Variants in USP20 observed in about 807,000 individuals in gnomAD.
USP20 encodes the protein ubiquitin specific peptidase 20.
A neutral mutation model predicts 124.2 loss-of-function variants in USP20; 80 were observed. That is an observed-to-expected ratio of 0.64 (90% CI 0.54 to 0.78). The LOEUF (loss-of-function observed/expected upper bound fraction) is 0.78. Ranked by LOEUF, USP20 falls within the 30% of genes least tolerant of loss-of-function variation. The pLI, the probability that USP20 is intolerant of heterozygous loss-of-function variation, is 0.00. For synonymous variants in USP20, 481 were observed against 512.3 expected, an observed-to-expected ratio of 0.94 and a Z score of 0.83; for missense variants, 1,043 against 1,244.4, an observed-to-expected ratio of 0.84 and a Z score of 2.44.
Position 129,874,941 on chromosome 9 carries a change from C to T in USP20, c.2034C>T (p.Tyr678=), listed in dbSNP as rs369696382. The T allele has an allele frequency of 5.8e-5, 94 of 1,613,772 alleles. No individual in the cohort carries two copies. The highest frequency in any genetic ancestry group is 8.0e-5 in the African/African-American group (6 of 74,934). Residue 678 remains tyrosine, a synonymous_variant, in exon 19 of 26, where the codon TAC becomes TAT. Transcript: ENST00000372429. ...HETVVQNAEG[Y]VLFYRKSSEE... ...CGGTGGTGCAGAACGCCGAGGGCTA[C>T]GTACTCTTCTACAGGTGGGCGCTGG... is the stretch of plus-strand genomic sequence containing the variant.
chr9:129,867,872 G>C, intron 10 of USP20, 133 bp from the exon 11 acceptor site: 1 of 1,100,918 alleles, frequency 9.1e-7, no homozygotes, highest in Non-Finnish European at 1.3e-6. Context: ...CTGTGGGGGT[G>C]AGCAACTCTT....
rs376627183 is a variant in USP20 at position 129,875,290 on chromosome 9, G to T, written c.2049-20G>T. On this transcript the variant is annotated intron_variant, in intron 19 of 25. Transcript: ENST00000372429. ...TGGCAGCCGTCAGGCACAGCTTCTC[G>T]CCCCCTCCTCACCCCACAGGAAGAG... is the stretch of plus-strand genomic sequence containing the variant. The T allele has an allele frequency of 5.0e-6, 8 of 1,584,874 alleles. No homozygotes were observed. Among genetic ancestry groups the T allele is most frequent in the Admixed American group, 3.5e-5 (2 of 57,960 alleles).
At chr9:129,878,588 G>A in intron 23 of USP20, 148 bp downstream of exon 23, 1 of 701,734 alleles carries the variant, frequency 1.4e-6, no homozygotes, top group Non-Finnish European at 2.4e-6. Flanking sequence ...AGAGAGCATG[G>A]GGCTTTGCCA....
rs143361787 is a variant in USP20 at position 129,873,687 on chromosome 9, C to T, written c.1695-12C>T. 1,501 of 1,613,590 alleles carry T rather than the reference C, an allele frequency of 9.3e-4. No individual in the cohort carries two copies. Among genetic ancestry groups the T allele is most frequent in the Non-Finnish European group, 1.2e-3 (1,421 of 1,180,024 alleles). ...TGCCGGACACTGATGCTGGCTCGTG[C>T]TTCCTCCCCAGGCTGCGGAACGGAG... is the stretch of plus-strand genomic sequence containing the variant. On this transcript the variant is annotated splice_polypyrimidine_tract_variant and intron_variant, in intron 16 of 25. Coordinates refer to ENST00000372429, the MANE Select transcript of USP20 (RefSeq NM_001110303.4).
intron 3 of USP20, among the ~76,000 whole-genome samples, chr9:129,853,389 T>C (rs577799575): frequency 6.6e-6 from 1 of 152,370 alleles, no homozygotes; most frequent in South Asian, 2.1e-4. Flanking sequence ...TATTTCATCA[T>C]GTGGCCACAG....
At chr9:129,860,450 A>AT (rs33987015) in intron 6 of USP20, among the ~76,000 whole-genome samples, 2 of 151,870 alleles carry the variant, frequency 1.3e-5, no homozygotes, top group African/African-American at 4.8e-5. Flanking sequence ...TAAATAAAAT[A>AT]TTTTTTTTAT....
intron 25 of USP20, 76 bp downstream of exon 25, chr9:129,880,365 T>C (rs968227402): frequency 1.4e-6 from 2 of 1,455,714 alleles, no homozygotes; most frequent in Non-Finnish European, 9.1e-7. Flanking sequence ...ACATGTCCTT[T>C]TGAACATCCA....
At chr9:129,846,181 G>A (rs572967536) in intron 1 of USP20, among the ~76,000 whole-genome samples, 5 of 146,794 alleles carry the variant, frequency 3.4e-5, no homozygotes, top group Non-Finnish European at 5.9e-5. Context: ...CTCCCGCCTC[G>A]GCCTCCCAAA....
In USP20 at chr9:129,859,215, G is replaced by T. The variant is rs962360911; in HGVS notation, c.330+617G>T. 1.4e-4 allele frequency among the ~76,000 whole-genome samples: 8 copies of T among 58,922 alleles called. 1 individual carries two copies. The South Asian group carries it at 2.4e-3, about 18-fold the overall frequency. 38.7% of individuals were successfully genotyped at this position (58,922 alleles called of 152,430 possible). ...GGCAGAGCTGCCTGCTAGAGGAGAA[G>T]CCAGGACATGTGTGCAGCATCTGCA... On this transcript the variant is annotated intron_variant, in intron 6 of 25. Coordinates refer to ENST00000372429, the MANE Select transcript of USP20 (RefSeq NM_001110303.4).
rs187572353 is a variant in USP20, at chr9:129,858,399, G to A, written c.199-68G>A. On this transcript the variant is annotated intron_variant, in intron 5 of 25. Transcript: ENST00000372429. Reference sequence around the variant, plus strand: ...TACTGAGAGGCTGGGGAGCGGAGCAGCCATTACAGGTTGGGGCACTTGTTA... The same window carrying A: ...TACTGAGAGGCTGGGGAGCGGAGCAACCATTACAGGTTGGGGCACTTGTTA... The A allele has an allele frequency of 1.1e-5, 17 of 1,604,816 alleles. No individual in the cohort carries two copies. In the Admixed American group the frequency reaches 2.6e-4, roughly 24 times the overall value.
chr9:129,867,051 C>G (rs1157283513), intron 10 of USP20, among the ~76,000 whole-genome samples: 1 of 152,176 alleles, frequency 6.6e-6, no homozygotes, highest in Non-Finnish European at 1.5e-5. Context: ...GCTCTGGCTG[C>G]TACGTGACCC....
At chr9:129,858,670 A>G in intron 6 of USP20, 72 bp downstream of exon 6, 1 of 1,578,258 alleles carries the variant, frequency 6.3e-7, no homozygotes, top group South Asian at 1.1e-5. Context: ...TGACCTGAGC[A>G]TCCGTGGAGC....
chr9:129,837,886 G>A (rs576260479), intron 1 of USP20, among the ~76,000 whole-genome samples: 2 of 152,124 alleles, frequency 1.3e-5, no homozygotes, highest in East Asian at 3.9e-4. Context: ...TATTTAGAGT[G>A]TACACCCTGA....
intron 7 of USP20, 130 bp from the exon 8 acceptor site, chr9:129,861,413 G>A (rs375017486): frequency 8.8e-6 from 7 of 793,448 alleles, no homozygotes; most frequent in East Asian, 2.5e-5. Flanking sequence ...GGGGTGGAAC[G>A]CTTCCACCAT....
At chr9:129,848,368 A>T (rs2032708208) in intron 1 of USP20, among the ~76,000 whole-genome samples, 1 of 152,190 alleles carries the variant, frequency 6.6e-6, no homozygotes, top group South Asian at 2.1e-4. Context: ...TTAAGTTCCA[A>T]TTCTGTGTCT....
intron 17 of USP20, among the ~76,000 whole-genome samples, chr9:129,874,124 G>A (rs1302804138): frequency 6.6e-6 from 1 of 152,112 alleles, no homozygotes; most frequent in Non-Finnish European, 1.5e-5. Flanking sequence ...GAGGAGTAAC[G>A]TCTGAGTGGG....
intron 15 of USP20, among the ~76,000 whole-genome samples, chr9:129,871,597 A>G (rs1462285311): frequency 1.3e-5 from 2 of 152,162 alleles, no homozygotes; most frequent in African/African-American, 2.4e-5. Context: ...CATTCCCACC[A>G]GTGACGCACA....
At position 129,879,389 on chromosome 9, in the gene USP20, G is replaced by T. The variant is rs1379763158; in HGVS notation, c.2513-184G>T. On this transcript the variant is annotated intron_variant, in intron 23 of 25. Coordinates refer to ENST00000372429, the MANE Select transcript of USP20 (RefSeq NM_001110303.4). This position sits in a 1 kb window ranked among gnomAD's most constrained non-coding sequence, Gnocchi z 4.2. ...GTCTGAGACCATCTCGTGTGTCCTGGAAATTCCCTCTGCTGGGTCCTCAGA... is the reference window on the plus strand; with the variant it reads ...GTCTGAGACCATCTCGTGTGTCCTGTAAATTCCCTCTGCTGGGTCCTCAGA... 1.2e-5 allele frequency: 7 copies of T among 608,026 alleles called. No homozygotes were observed. Among genetic ancestry groups the T allele is most frequent in the Non-Finnish European group, 2.0e-5 (7 of 342,162 alleles). 37.7% of individuals were successfully genotyped at this position (608,026 alleles called of 1,614,324 possible).
intron 3 of USP20, among the ~76,000 whole-genome samples, chr9:129,854,824 T>C (rs929004204): frequency 6.6e-6 from 1 of 151,708 alleles, no homozygotes; most frequent in Non-Finnish European, 1.5e-5. Context: ...AGCTTCATCG[T>C]ATGGGACAAG....
Sources: gnomAD v4.1 joint callset for allele counts (sites outside exome capture counted in the v4.1 genomes callset) on GRCh38, gnomAD v4.1.1 for gene constraint, Gnocchi (gnomAD v3.1) non-coding constraint, MANE v1.5 for transcripts, NCBI Gene and HGNC (gene_info 2026-07-23, HGNC 2026-07-21) for gene names.